ARMH3: variants seen among roughly 807,000 people sequenced by gnomAD.
ARMH3 encodes armadillo like helical domain containing 3, also known as armadillo-like helical domain-containing protein 3.
Under a neutral mutation model 99.1 loss-of-function variants are expected in ARMH3, and 60 were observed. The observed-to-expected ratio is 0.61, with a 90% CI of 0.49 to 0.75. The LOEUF (loss-of-function observed/expected upper bound fraction) is 0.75. ARMH3 is among the 30% of genes least tolerant of loss of function. The pLI, the probability that ARMH3 is intolerant of heterozygous loss-of-function variation, is 0.00. For missense variants in ARMH3, 679 were observed against 843.1 expected (o/e 0.81, Z 2.41); for synonymous variants, 285 against 292.8 (o/e 0.97, Z 0.27).
intron 16 of ARMH3, among the ~76,000 whole-genome samples, chr10:101,994,545 C>T (rs1322859417): frequency 6.6e-6 from 1 of 152,178 alleles, no homozygotes; most frequent in Admixed American, 6.5e-5. Context: ...CTGTGTGTCA[C>T]CAAGATACAT....
chr10:101,958,620 G>A (rs1030991165), intron 20 of ARMH3, among the ~76,000 whole-genome samples: 10 of 152,064 alleles, frequency 6.6e-5, no homozygotes, highest in African/African-American at 1.9e-4. Context: ...GCAGCTGCAG[G>A]CAATCTGTGG....
intron 8 of ARMH3, among the ~76,000 whole-genome samples, chr10:102,022,890 C>G (rs547593186): frequency 1.6e-3 from 231 of 145,354 alleles, no homozygotes; most frequent in Middle Eastern, 7.0e-3. Context: ...GAAATTTTTT[C>G]TTTTTAAAAA....
At chr10:101,849,231 G>T (rs2066529885) in intron 25 of ARMH3, among the ~76,000 whole-genome samples, 1 of 152,190 alleles carries the variant, frequency 6.6e-6, no homozygotes, top group African/African-American at 2.4e-5. Context: ...GTACAGGGCA[G>T]GAAAGGGACC....
intron 8 of ARMH3, among the ~76,000 whole-genome samples, chr10:102,021,987 G>C (rs2066896353): frequency 6.6e-6 from 1 of 152,086 alleles, no homozygotes; most frequent in Non-Finnish European, 1.5e-5. Context: ...ACCATGCCCA[G>C]CCTAGATATG....
intron 23 of ARMH3, among the ~76,000 whole-genome samples, chr10:101,900,624 T>G (rs187072179): frequency 6.6e-6 from 1 of 152,316 alleles, no homozygotes; most frequent in Non-Finnish European, 1.5e-5. Context: ...ACACTTAAAT[T>G]TTAAGCATGG....
At chr10:101,975,667 A>G (rs1284626284) in intron 19 of ARMH3, among the ~76,000 whole-genome samples, 2 of 145,320 alleles carry the variant, frequency 1.4e-5, no homozygotes, top group African/African-American at 5.1e-5. Context: ...AGTTTGAGAC[A>G]AGCTTGGCCA....
At chr10:101,947,081 G>A (rs1564782535) in intron 22 of ARMH3, among the ~76,000 whole-genome samples, 3 of 151,750 alleles carry the variant, frequency 2.0e-5, no homozygotes, top group East Asian at 3.9e-4. Flanking sequence ...CCAGCTACTC[G>A]GGAGGCTGAG....
Position 101,901,083 on chromosome 10 carries a change from T to C in ARMH3, c.1782-11593A>G, listed in dbSNP as rs553161674. 2.0e-5 allele frequency among the ~76,000 whole-genome samples: 3 copies of C among 151,656 alleles called. No homozygotes were observed. The East Asian group carries it at 5.8e-4, about 29-fold the overall frequency. On this transcript the variant is annotated intron_variant, in intron 23 of 25. Transcript: ENST00000370033. ...TGCCAGTTAGAGAAAAAGAGGCATA[T>C]GAATCCTAAACTAGACTAGATGAGC...
intron 19 of ARMH3, among the ~76,000 whole-genome samples, chr10:101,988,288 T>C (rs993993227): frequency 1.3e-5 from 2 of 152,092 alleles, no homozygotes; most frequent in Non-Finnish European, 2.9e-5. Context: ...TCTTTTAAAA[T>C]GAAAAAATTG....
chr10:102,037,850 G>A (rs2136233372), intron 2 of ARMH3, among the ~76,000 whole-genome samples: 1 of 151,746 alleles, frequency 6.6e-6, no homozygotes, highest in African/African-American at 2.4e-5. Flanking sequence ...CAGCCTCCCA[G>A]GGTAGCTGGG....
intron 19 of ARMH3, among the ~76,000 whole-genome samples, chr10:101,990,035 T>C (rs181068941): frequency 2.6e-4 from 39 of 152,360 alleles, no homozygotes; most frequent in Non-Finnish European, 5.0e-4. Flanking sequence ...GAAGTGATCA[T>C]GCGGATATGT....
At chr10:101,873,272 C>T (rs948401044) in intron 24 of ARMH3, among the ~76,000 whole-genome samples, 1 of 150,774 alleles carries the variant, frequency 6.6e-6, no homozygotes, top group South Asian at 2.1e-4. Context: ...ATTAGCTGGG[C>T]GTGGTAGTGT....
At chr10:101,853,169 G>T (rs2066646960) in intron 24 of ARMH3, among the ~76,000 whole-genome samples, 3 of 151,770 alleles carry the variant, frequency 2.0e-5, no homozygotes, top group Admixed American at 2.0e-4. Flanking sequence ...GGGATTACAG[G>T]CGTGAGTCAC....
intron 22 of ARMH3, among the ~76,000 whole-genome samples, chr10:101,940,706 T>C (rs1217076990): frequency 6.6e-6 from 1 of 152,162 alleles, no homozygotes; most frequent in African/African-American, 2.4e-5. Flanking sequence ...ATTAACCTTT[T>C]TTTGCTCCTC....
chr10:102,025,630 G>GTTTCTTTTCT (rs537659996), intron 5 of ARMH3, among the ~76,000 whole-genome samples: 25 of 151,972 alleles, frequency 1.6e-4, no homozygotes, highest in East Asian at 1.2e-3. Context: ...AATTGTATAT[G>GTTTCTTTTCT]TTTCTTTTCT....
At position 101,846,057 on chromosome 10, in the gene ARMH3, T is replaced by C. The variant is rs192097057; in HGVS notation, c.*1471A>G. ...AGCTGTTGGGAAAGCCTATAGTGGT[T>C]CCATGGAGGCTATCCAAGGGAGGAA... On this transcript the variant is annotated 3_prime_UTR_variant, in exon 26 of 26. Coordinates refer to ENST00000370033, the MANE Select transcript of ARMH3 (RefSeq NM_024541.3). The C allele has an allele frequency of 6.6e-6, 1 of 152,304 alleles. No homozygotes were observed. Among genetic ancestry groups the C allele is most frequent in the Admixed American group, 6.5e-5 (1 of 15,296 alleles). 9.4% of individuals were successfully genotyped at this position (152,304 alleles called of 1,614,324 possible).
At chr10:101,901,551 T>C (rs2067980515) in intron 23 of ARMH3, among the ~76,000 whole-genome samples, 1 of 152,154 alleles carries the variant, frequency 6.6e-6, no homozygotes, top group Non-Finnish European at 1.5e-5. Flanking sequence ...ACCCACCCAC[T>C]GTGACAGAGA....
intron 22 of ARMH3, among the ~76,000 whole-genome samples, chr10:101,948,754 T>C (rs1405849787): frequency 6.6e-6 from 1 of 151,138 alleles, no homozygotes. Context: ...TCAACCAAAC[T>C]GAAACTTACA....
chr10:101,879,974 C>T (rs747369968), intron 24 of ARMH3, among the ~76,000 whole-genome samples: 45 of 152,272 alleles, frequency 3.0e-4, no homozygotes, highest in Admixed American at 7.2e-4. Flanking sequence ...GTAGTGAATC[C>T]GGTGAACAAC....
Sources: gnomAD v4.1 joint callset for allele counts (sites outside exome capture counted in the v4.1 genomes callset) on GRCh38, gnomAD v4.1.1 for gene constraint, MANE v1.5 for transcripts, NCBI Gene and HGNC (gene_info 2026-07-23, HGNC 2026-07-21) for gene names.